Variants in SIPA1L1 observed in about 807,000 individuals in gnomAD.
The protein encoded by SIPA1L1 is signal-induced proliferation-associated 1-like protein 1.
In SIPA1L1, 26 loss-of-function variants were observed where a neutral mutation model predicts 162.7. The ratio of observed to expected loss-of-function variants is 0.16; its 90% CI spans 0.12 to 0.22. The LOEUF is 0.22. SIPA1L1 is among the 10% of genes least tolerant of loss of function. SIPA1L1 has a pLI of 1.00. For missense variants in SIPA1L1, 1,874 were observed against 2,241.0 expected, an observed-to-expected ratio of 0.84 and a Z score of 3.31; for synonymous variants, 829 against 837.4, an observed-to-expected ratio of 0.99 and a Z score of 0.17.
chr14:71,644,861 A>G (rs560164958), intron 7 of SIPA1L1, among the ~76,000 whole-genome samples: 24 of 152,294 alleles, frequency 1.6e-4, no homozygotes, highest in African/African-American at 3.9e-4. Context: ...CTGAATGACT[A>G]TAGTTTGTCT....
chr14:71,341,129 C>G (rs1030673676), intron 2 of SIPA1L1, among the ~76,000 whole-genome samples: 1 of 152,104 alleles, frequency 6.6e-6, no homozygotes, highest in Non-Finnish European at 1.5e-5. Context: ...TGACACCTGC[C>G]GAGGGAAGTC....
intron 2 of SIPA1L1, among the ~76,000 whole-genome samples, chr14:71,432,424 G>T (rs1183779044): frequency 6.6e-6 from 1 of 152,050 alleles, no homozygotes; most frequent in Admixed American, 6.6e-5. Context: ...CTTCCCTCGG[G>T]GTCTGAGGCA....
intron 5 of SIPA1L1, among the ~76,000 whole-genome samples, chr14:71,605,162 G>A (rs532801509): frequency 1.5e-4 from 23 of 151,886 alleles, no homozygotes; most frequent in African/African-American, 4.8e-4. Context: ...GCTTAATCTA[G>A]TCTATTGTTG....
At chr14:71,491,086 T>C (rs930765442) in intron 2 of SIPA1L1, among the ~76,000 whole-genome samples, 2 of 152,206 alleles carry the variant, frequency 1.3e-5, no homozygotes, top group African/African-American at 2.4e-5. Context: ...AGACAGGATG[T>C]CGATATTTAA....
At chr14:71,651,116 G>C (rs530024804) in intron 8 of SIPA1L1, among the ~76,000 whole-genome samples, 7 of 152,336 alleles carry the variant, frequency 4.6e-5, no homozygotes, top group Non-Finnish European at 8.8e-5. Context: ...CTAAAAGGTT[G>C]TCCATGTCCA....
intron 17 of SIPA1L1, 88 bp downstream of exon 17, chr14:71,709,752 T>C: frequency 8.9e-7 from 1 of 1,117,676 alleles, no homozygotes; most frequent in South Asian, 1.6e-5. Flanking sequence ...CTCAATAGTG[T>C]ATAAGGAAAG....
intron 20 of SIPA1L1, 45 bp from the exon 21 acceptor site, chr14:71,733,621 T>C: frequency 6.3e-7 from 1 of 1,597,204 alleles, no homozygotes; most frequent in Non-Finnish European, 8.5e-7. Context: ...TGAGTGGCTC[T>C]TCCACAGGCA....
At chr14:71,735,140 T>C in intron 21 of SIPA1L1, 137 bp from the exon 22 acceptor site, 1 of 646,452 alleles carries the variant, frequency 1.5e-6, no homozygotes, top group East Asian at 2.6e-5. Context: ...CCTGTGAGGG[T>C]TGGGAAATAA....
chr14:71,433,244 C>G (rs1567017410), intron 2 of SIPA1L1, among the ~76,000 whole-genome samples: 1 of 152,126 alleles, frequency 6.6e-6, no homozygotes, highest in Non-Finnish European at 1.5e-5. Flanking sequence ...GTCTCTATTT[C>G]CTGAATTATC....
At chr14:71,544,209 A>G (rs577203033) in intron 4 of SIPA1L1, among the ~76,000 whole-genome samples, 26 of 147,174 alleles carry the variant, frequency 1.8e-4, no homozygotes, top group East Asian at 3.9e-4. Flanking sequence ...ATGTATGCAC[A>G]TGCATGTGTA....
intron 2 of SIPA1L1, among the ~76,000 whole-genome samples, chr14:71,355,577 A>G (rs553620835): frequency 6.6e-6 from 1 of 152,358 alleles, no homozygotes; most frequent in East Asian, 1.9e-4. Flanking sequence ...GAGCTGGTAT[A>G]GAAAATGATG....
chr14:71,465,863 A>G (rs945875206), intron 2 of SIPA1L1, among the ~76,000 whole-genome samples: 1 of 152,208 alleles, frequency 6.6e-6, no homozygotes, highest in African/African-American at 2.4e-5. Context: ...CCAAAGTTCA[A>G]GGGCAGGAAG....
rs763489624 is a variant in SIPA1L1, at chr14:71,699,451, AC to A, written c.3521+326del. On this transcript the variant is annotated intron_variant, in intron 14 of 23. Transcript: ENST00000381232. ...TTATTTACTCCAAAGTAGAAAAAAC[AC>A]CTGTACAAGTTTTAGGATGGGAATG... is the stretch of plus-strand genomic sequence containing the variant. Among the ~76,000 whole-genome samples the A allele has an allele frequency of 8.1e-4, 124 of 152,314 alleles. 2 individuals are homozygous for A. Among genetic ancestry groups the A allele is most frequent in the Non-Finnish European group, 5.9e-4 (40 of 68,020 alleles).
chr14:71,697,002 G>T (rs1486053979), intron 13 of SIPA1L1, among the ~76,000 whole-genome samples: 2 of 152,210 alleles, frequency 1.3e-5, no homozygotes, highest in Non-Finnish European at 2.9e-5. Flanking sequence ...AGGGTGTGTG[G>T]AGCCATTAAT....
chr14:71,513,621 A>G (rs931665714), intron 3 of SIPA1L1, among the ~76,000 whole-genome samples: 1 of 152,096 alleles, frequency 6.6e-6, no homozygotes, highest in Non-Finnish European at 1.5e-5. Context: ...CCTCCCAGGT[A>G]GCTGGGACTA....
rs186847497 is a variant in SIPA1L1, at chr14:71,561,651, G to A, written c.-302-25920G>A. 1.8e-4 allele frequency among the ~76,000 whole-genome samples: 28 copies of A among 152,298 alleles called. No homozygotes were observed. In the East Asian group the frequency reaches 5.2e-3, roughly 28 times the overall value. On this transcript the variant is annotated intron_variant, in intron 4 of 23. Coordinates refer to ENST00000381232, the MANE Select transcript of SIPA1L1 (RefSeq NM_001386936.1). Reference sequence around the variant, plus strand: ...TGCCCAGGCTGGAGTGCAATGGCATGGTCTCGGCTCACTGCAAACTCCTCC... The same window carrying A: ...TGCCCAGGCTGGAGTGCAATGGCATAGTCTCGGCTCACTGCAAACTCCTCC...
chr14:71,618,257 C>T (rs74060384), intron 5 of SIPA1L1, among the ~76,000 whole-genome samples: 2,012 of 152,342 alleles, frequency 0.013, 40 homozygotes, highest in African/African-American at 0.046. Context: ...ATACACAGGC[C>T]ACCTGGGAGC....
At chr14:71,704,641 T>G (rs926486527) in intron 15 of SIPA1L1, 16 of 1,022,722 alleles carry the variant, frequency 1.6e-5, no homozygotes, top group Non-Finnish European at 2.5e-5. Flanking sequence ...GAACCCCATC[T>G]TGAACGCCAG....
chr14:71,709,106 G>A, intron 16 of SIPA1L1, 116 bp from the exon 17 acceptor site: 3 of 779,424 alleles, frequency 3.8e-6, no homozygotes, highest in Non-Finnish European at 6.1e-6. Context: ...AGTCATTATT[G>A]GAACTTTTAG....
Sources: gnomAD v4.1 joint callset for allele counts (sites outside exome capture counted in the v4.1 genomes callset) on GRCh38, gnomAD v4.1.1 for gene constraint, MANE v1.5 for transcripts, NCBI Gene and HGNC (gene_info 2026-07-23, HGNC 2026-07-21) for gene names.